Variants in CPQ observed in about 807,000 individuals in gnomAD.
CPQ encodes the protein Ser-Met dipeptidase.
A neutral mutation model predicts 45.7 loss-of-function variants in CPQ; 37 were observed. The observed-to-expected ratio is 0.81, with a 90% CI of 0.62 to 1.07. CPQ has a LOEUF of 1.07. Among genes scored for constraint, CPQ ranks in the 50% least tolerant of loss-of-function variants. The pLI is 0.00. For missense variants in CPQ, 537 were observed against 572.9 expected (o/e 0.94, Z 0.64); for synonymous variants, 186 against 205.8 (o/e 0.90, Z 0.82).
chr8:96,718,983 C>T (rs893425166), intron 1 of CPQ, among the ~76,000 whole-genome samples: 4 of 152,262 alleles, frequency 2.6e-5, no homozygotes, highest in African/African-American at 9.6e-5. Context: ...CATAAAGGTT[C>T]TCCATGTCCC....
intron 4 of CPQ, among the ~76,000 whole-genome samples, chr8:96,893,097 G>GTT (rs1812398685): frequency 6.6e-6 from 1 of 152,160 alleles, no homozygotes; most frequent in African/African-American, 2.4e-5. Context: ...AGAAACGAAG[G>GTT]CTTAGAGAGG....
chr8:96,873,432 A>G (rs1812104609), intron 3 of CPQ, among the ~76,000 whole-genome samples: 1 of 151,600 alleles, frequency 6.6e-6, no homozygotes. Context: ...AAAGTCTGAG[A>G]TGGATTTTCT....
At chr8:96,863,505 G>A (rs1475022679) in intron 3 of CPQ, among the ~76,000 whole-genome samples, 1 of 152,038 alleles carries the variant, frequency 6.6e-6, no homozygotes, top group African/African-American at 2.4e-5. Context: ...GCAGGAAGAG[G>A]TGTGGTGAAG....
intron 5 of CPQ, among the ~76,000 whole-genome samples, chr8:97,009,961 G>A (rs1013268167): frequency 3.3e-5 from 5 of 152,018 alleles, no homozygotes; most frequent in South Asian, 2.1e-4. Flanking sequence ...CCCCTCCCAC[G>A]CTGACTTTAT....
chr8:96,971,840 G>A (rs1263705815), intron 5 of CPQ, among the ~76,000 whole-genome samples: 1 of 152,184 alleles, frequency 6.6e-6, no homozygotes, highest in Non-Finnish European at 1.5e-5. Flanking sequence ...AGAAGAATTA[G>A]AAACTTGAAG....
At chr8:96,885,883 T>C (rs566310429) in intron 4 of CPQ, among the ~76,000 whole-genome samples, 152 of 151,820 alleles carry the variant, frequency 1.0e-3, no homozygotes, top group African/African-American at 3.5e-3. Context: ...CCCCAGCTAC[T>C]GGAGAGGCTG....
chr8:97,036,114 T>C (rs1201353311), intron 6 of CPQ, among the ~76,000 whole-genome samples: 3 of 152,166 alleles, frequency 2.0e-5, no homozygotes, highest in African/African-American at 7.2e-5. Context: ...TGGAGGGACC[T>C]TATTTCAATT....
chr8:96,795,747 A>G (rs1474797738), intron 2 of CPQ, among the ~76,000 whole-genome samples: 5 of 152,084 alleles, frequency 3.3e-5, no homozygotes, highest in Admixed American at 3.3e-4. Context: ...TAGCATGGGT[A>G]TAAAATCTTT....
chr8:96,679,335 AT>A (rs1376491704), intron 1 of CPQ, among the ~76,000 whole-genome samples: 1 of 151,600 alleles, frequency 6.6e-6, no homozygotes, highest in Non-Finnish European at 1.5e-5. Context: ...TTTGTTGAGA[AT>A]TTTTGCATCT....
In CPQ at chr8:96,787,525, C is replaced by CTTTTTT. The variant is rs71267281; in HGVS notation, c.433+2220_433+2225dup. Among the ~76,000 whole-genome samples the CTTTTTT allele has an allele frequency of 5.2e-3, 248 of 47,580 alleles. 56 individuals are homozygous for CTTTTTT. Among genetic ancestry groups the CTTTTTT allele is most frequent in the East Asian group, 0.011 (10 of 894 alleles). The allele number at this position is 47,580 out of a possible 152,430, so 31.2% of individuals were successfully genotyped here. On this transcript the variant is annotated intron_variant, in intron 2 of 7. Coordinates refer to ENST00000220763, the MANE Select transcript of CPQ (RefSeq NM_016134.4). ...TTGTAGTTTCATTTTCTTATAATGT[C>CTTTTTT]TTTTTTTTTTTTTTTTTTTTTTTTT...
chr8:96,850,006 A>G (rs556130584), intron 3 of CPQ, among the ~76,000 whole-genome samples: 2 of 152,238 alleles, frequency 1.3e-5, no homozygotes, highest in East Asian at 3.9e-4. Flanking sequence ...TTTTCTTTCA[A>G]GTCTCCATCA....
At chr8:96,914,118 C>T (rs1330096143) in intron 4 of CPQ, among the ~76,000 whole-genome samples, 1 of 152,072 alleles carries the variant, frequency 6.6e-6, no homozygotes, top group African/African-American at 2.4e-5. Context: ...ATCTGAAAAA[C>T]ATTTATTGAG....
intron 1 of CPQ, among the ~76,000 whole-genome samples, chr8:96,746,001 A>G (rs535275499): frequency 2.0e-4 from 30 of 152,326 alleles, no homozygotes; most frequent in Non-Finnish European, 4.0e-4. Context: ...TAACAAATGC[A>G]TGATTTTCAA....
chr8:96,701,855 T>C (rs1319200789), intron 1 of CPQ, among the ~76,000 whole-genome samples: 3 of 152,162 alleles, frequency 2.0e-5, no homozygotes, highest in East Asian at 1.9e-4. Flanking sequence ...GAAGGAACTT[T>C]TGTTTGTGCA....
chr8:96,787,976 T>A (rs1315484177), intron 2 of CPQ, among the ~76,000 whole-genome samples: 1 of 152,086 alleles, frequency 6.6e-6, no homozygotes, highest in Non-Finnish European at 1.5e-5. Flanking sequence ...CCTTTATTCA[T>A]CTTTATCTCT....
chr8:97,053,100 G>A (rs1177748448), intron 6 of CPQ, among the ~76,000 whole-genome samples: 1 of 152,058 alleles, frequency 6.6e-6, no homozygotes, highest in Admixed American at 6.6e-5. Flanking sequence ...CATCCAAAAT[G>A]GCATCTAGTT....
At chr8:96,899,920 C>A (rs980289558) in intron 4 of CPQ, among the ~76,000 whole-genome samples, 4 of 152,110 alleles carry the variant, frequency 2.6e-5, no homozygotes, top group African/African-American at 9.7e-5. Context: ...AAGACAGTTT[C>A]TTCTATCGTC....
intron 1 of CPQ, among the ~76,000 whole-genome samples, chr8:96,742,881 C>T (rs1158822435): frequency 3.9e-5 from 6 of 151,976 alleles, no homozygotes; most frequent in Non-Finnish European, 7.4e-5. Context: ...GAGGGTAACC[C>T]GACCTTTCTC....
chr8:96,935,038 T>C (rs981845579), intron 4 of CPQ, among the ~76,000 whole-genome samples: 1 of 152,184 alleles, frequency 6.6e-6, no homozygotes, highest in African/African-American at 2.4e-5. Flanking sequence ...AGAAACTTGT[T>C]TGATAAGCAG....
Sources: allele counts gnomAD v4.1 joint callset (sites outside exome capture counted in the v4.1 genomes callset), GRCh38; gene constraint gnomAD v4.1.1; transcripts MANE v1.5; gene names NCBI Gene and HGNC (gene_info 2026-07-23, HGNC 2026-07-21).